The following CMIP variants were observed in gnomAD, a reference collection of about 807,000 sequenced individuals.
CMIP encodes c-Maf inducing protein.
CMIP carries 13 observed loss-of-function variants against 97.3 expected under a neutral mutation model. The ratio of observed to expected loss-of-function variants is 0.13; its 90% CI spans 0.09 to 0.21. CMIP has a LOEUF of 0.21. CMIP is among the 10% of genes least tolerant of loss of function. The pLI is 1.00. For synonymous variants in CMIP, 538 were observed against 436.3 expected, an observed-to-expected ratio of 1.23 and a Z score of -2.91; for missense variants, 847 against 1,024.9, an observed-to-expected ratio of 0.83 and a Z score of 2.37.
At chr16:81,474,527 G>T (rs1344385546) in intron 1 of CMIP, among the ~76,000 whole-genome samples, 1 of 152,194 alleles carries the variant, frequency 6.6e-6, no homozygotes, top group Non-Finnish European at 1.5e-5. Flanking sequence ...CACCTCTGGT[G>T]GGAGGTGCTG....
intron 9 of CMIP, among the ~76,000 whole-genome samples, chr16:81,676,994 T>G (rs1904342023): frequency 6.6e-6 from 1 of 152,216 alleles, no homozygotes. Flanking sequence ...GATCTCAACC[T>G]TGACCACACA....
At chr16:81,679,275 G>GTC (rs957706282) in intron 10 of CMIP, among the ~76,000 whole-genome samples, 13 of 152,126 alleles carry the variant, frequency 8.5e-5, no homozygotes, top group African/African-American at 1.2e-4. Context: ...GTGTGTGTGT[G>GTC]TGTTAAATGC....
chr16:81,532,471 G>A (rs770333249), intron 1 of CMIP, among the ~76,000 whole-genome samples: 61 of 152,090 alleles, frequency 4.0e-4, no homozygotes, highest in Non-Finnish European at 1.9e-4. Context: ...GAACTTATTC[G>A]CAGTCTCTAA....
intron 1 of CMIP, among the ~76,000 whole-genome samples, chr16:81,456,246 G>A (rs2150733534): frequency 6.6e-6 from 1 of 152,304 alleles, no homozygotes; most frequent in Admixed American, 6.5e-5. Context: ...GGGACCGCGG[G>A]GTAATCATGA....
intron 10 of CMIP, among the ~76,000 whole-genome samples, chr16:81,691,270 C>G (rs1597255768): frequency 6.6e-6 from 1 of 152,212 alleles, no homozygotes; most frequent in Admixed American, 6.5e-5. Context: ...GCTGCCTTCT[C>G]GCTGAGTCCT....
rs552526618 is a variant in CMIP at position 81,621,500 on chromosome 16, G to T, written c.477+574G>T. On this transcript the variant is annotated intron_variant, in intron 3 of 20. Transcript: ENST00000537098. This position sits in a 1 kb window ranked among gnomAD's most constrained non-coding sequence, Gnocchi z 4.1. ...AAGAGGGGTCCCCCAGCCACCCGAG[G>T]AGCCTGAGTTGTGCCCCATGGCTCA... The T allele has an allele frequency of 6.5e-6, 1 of 153,736 alleles. No homozygotes were observed. Among genetic ancestry groups the T allele is most frequent in the African/African-American group, 2.4e-5 (1 of 41,564 alleles). The allele number at this position is 153,736 out of a possible 1,614,324, so 9.5% of individuals were successfully genotyped here.
At chr16:81,654,811 T>A (rs2092465375) in intron 4 of CMIP, among the ~76,000 whole-genome samples, 1 of 152,240 alleles carries the variant, frequency 6.6e-6, no homozygotes, top group South Asian at 2.1e-4. Flanking sequence ...ATGAAGCTTA[T>A]GCCCCTGCAC....
At chr16:81,587,616 A>G (rs1308252041) in intron 1 of CMIP, among the ~76,000 whole-genome samples, 2 of 152,220 alleles carry the variant, frequency 1.3e-5, no homozygotes, top group Non-Finnish European at 2.9e-5. Flanking sequence ...TGGCCGCCAA[A>G]GGCCACCCAA....
chr16:81,710,235 C>T lies in CMIP; in HGVS notation c.*436C>T, dbSNP rs1908612511. ...TCCGAGCTGAGCTGCGAACTCGCCC[C>T]CCGCCCTTGGGACAAGAAGACCCAG... On this transcript the variant is annotated 3_prime_UTR_variant, in exon 21 of 21. Transcript: ENST00000537098. The T allele has an allele frequency of 4.7e-6, 1 of 212,534 alleles. No individual in the cohort carries two copies. Among genetic ancestry groups the T allele is most frequent in the African/African-American group, 2.3e-5 (1 of 43,668 alleles). The allele number at this position is 212,534 out of a possible 1,614,324, so 13.2% of individuals were successfully genotyped here.
At chr16:81,517,845 C>T (rs2089946050) in intron 1 of CMIP, 2 of 631,932 alleles carry the variant, frequency 3.2e-6, no homozygotes, top group Non-Finnish European at 3.9e-6. Flanking sequence ...TCTCTGGAGG[C>T]TTGGGAGATG....
At chr16:81,706,629 AAGC>A (rs944057532) in intron 19 of CMIP, among the ~76,000 whole-genome samples, 1 of 152,166 alleles carries the variant, frequency 6.6e-6, no homozygotes, top group Non-Finnish European at 1.5e-5. Flanking sequence ...TGCTTTCAAG[AAGC>A]AGCACCGAGT....
chr16:81,511,069 T>C lies in CMIP; in HGVS notation c.300+65528T>C, dbSNP rs543124625. Among the ~76,000 whole-genome samples the C allele has an allele frequency of 1.2e-3, 175 of 152,142 alleles. 1 individual carries two copies. Among genetic ancestry groups the C allele is most frequent in the Admixed American group, 2.5e-3 (38 of 15,276 alleles). On this transcript the variant is annotated intron_variant, in intron 1 of 20. Coordinates refer to ENST00000537098, the MANE Select transcript of CMIP (RefSeq NM_198390.3). ...ATACTGAGAGCATGGGGGAGTAAAA[T>C]GAACCCCCATGTACTCATCATCTGC...
intron 1 of CMIP, among the ~76,000 whole-genome samples, chr16:81,589,668 G>T (rs1023895127): frequency 6.6e-6 from 1 of 152,184 alleles, no homozygotes. Context: ...GTCCATAGAT[G>T]CATAACCATC....
At chr16:81,659,310 C>G (rs2092519237) in intron 5 of CMIP, among the ~76,000 whole-genome samples, 1 of 151,920 alleles carries the variant, frequency 6.6e-6, no homozygotes, top group African/African-American at 2.4e-5. Flanking sequence ...CCTGGCAGAT[C>G]AACAGATAAT....
At chr16:81,672,485 G>A (rs549600795) in intron 9 of CMIP, among the ~76,000 whole-genome samples, 15 of 152,316 alleles carry the variant, frequency 9.8e-5, no homozygotes, top group Admixed American at 2.0e-4. Context: ...ATATGTGCCC[G>A]TGTGTTGGGG....
At chr16:81,600,429 C>T (rs9923436) in intron 1 of CMIP, among the ~76,000 whole-genome samples, 95 of 152,256 alleles carry the variant, frequency 6.2e-4, no homozygotes, top group African/African-American at 2.0e-3. Flanking sequence ...AATGCGGTTC[C>T]GACTCATGCC....
chr16:81,472,913 C>T (rs140055232), intron 1 of CMIP, among the ~76,000 whole-genome samples: 14 of 152,182 alleles, frequency 9.2e-5, no homozygotes, highest in African/African-American at 1.2e-4. Flanking sequence ...TTGGCCACAC[C>T]GCAGCTGCCC....
chr16:81,523,854 C>A (rs908910537), intron 1 of CMIP, among the ~76,000 whole-genome samples: 2 of 152,244 alleles, frequency 1.3e-5, no homozygotes, highest in African/African-American at 4.8e-5. Context: ...GGATGTAACA[C>A]CCAGCTCATC....
At chr16:81,707,328 G>A (rs776252731) in intron 20 of CMIP, among the ~76,000 whole-genome samples, 2 of 152,232 alleles carry the variant, frequency 1.3e-5, no homozygotes, top group Non-Finnish European at 2.9e-5. Context: ...AGAGGCCGCA[G>A]GAGCTGAGAC....
Sources: allele counts gnomAD v4.1 joint callset (sites outside exome capture counted in the v4.1 genomes callset), GRCh38; gene constraint gnomAD v4.1.1; non-coding constraint Gnocchi (gnomAD v3.1); transcripts MANE v1.5; gene names NCBI Gene and HGNC (gene_info 2026-07-23, HGNC 2026-07-21).